The following CPLX2 variants were observed in gnomAD, a reference collection of about 807,000 sequenced individuals.
CPLX2 encodes the protein complexin 2.
Under a neutral mutation model 16.3 loss-of-function variants are expected in CPLX2, and 5 were observed. The ratio of observed to expected loss-of-function variants is 0.31; its 90% CI spans 0.16 to 0.64. The LOEUF is 0.64. CPLX2 is among the 30% of genes least tolerant of loss of function. The pLI is 0.79. For missense variants in CPLX2, 144 were observed against 181.4 expected, an observed-to-expected ratio of 0.79 and a Z score of 1.18; for synonymous variants, 89 against 73.2, an observed-to-expected ratio of 1.22 and a Z score of -1.10.
chr5:175,851,512 G>T (rs1296118192), intron 2 of CPLX2, among the ~76,000 whole-genome samples: 2 of 152,200 alleles, frequency 1.3e-5, no homozygotes, highest in African/African-American at 4.8e-5. Context: ...GTCACTTCAT[G>T]GCCCAGACCT....
chr5:175,833,399 C>T (rs1022037256), intron 2 of CPLX2, among the ~76,000 whole-genome samples: 5 of 152,054 alleles, frequency 3.3e-5, no homozygotes, highest in African/African-American at 9.7e-5. Context: ...CACAAACGCA[C>T]AGAAGGCCTC....
chr5:175,839,355 G>A (rs769230463), intron 2 of CPLX2, among the ~76,000 whole-genome samples: 5 of 151,900 alleles, frequency 3.3e-5, no homozygotes, highest in South Asian at 2.1e-4. Flanking sequence ...GCGTGATCTC[G>A]GCTCACTGCA....
At chr5:175,838,038 A>G (rs1758868949) in intron 2 of CPLX2, among the ~76,000 whole-genome samples, 2 of 152,228 alleles carry the variant, frequency 1.3e-5, no homozygotes, top group Admixed American at 6.5e-5. Flanking sequence ...ATATACCTCA[A>G]AGATTCTTCT....
At chr5:175,853,793 G>A (rs1243647894) in intron 2 of CPLX2, among the ~76,000 whole-genome samples, 1 of 152,056 alleles carries the variant, frequency 6.6e-6, no homozygotes, top group Non-Finnish European at 1.5e-5. Flanking sequence ...GACGACTGAG[G>A]GCCTTGAGCA....
Position 175,872,081 on chromosome 5 carries a change from G to A in CPLX2, c.-89+376G>A, listed in dbSNP as rs1014858782. 6.6e-6 allele frequency: 1 copy of A among 152,228 alleles called. No homozygotes were observed. The highest frequency in any genetic ancestry group is 2.4e-5 in the African/African-American group (1 of 41,456). The allele number at this position is 152,228 out of a possible 1,614,324, so 9.4% of individuals were successfully genotyped here. A position where few individuals can be genotyped will look rare whatever the true frequency, so the allele number is the denominator to read the frequency against. ...GAACCCAGAGAACAACTTTGAGCTC[G>A]CGGGAGTGGGGGACGTCGATCTAAG... On this transcript the variant is annotated intron_variant, in intron 1 of 3. Transcript: ENST00000393745. This position sits in a 1 kb window ranked among gnomAD's most constrained non-coding sequence, Gnocchi z 5.0.
At chr5:175,861,082 G>A (rs1350410280) in intron 2 of CPLX2, among the ~76,000 whole-genome samples, 1 of 151,908 alleles carries the variant, frequency 6.6e-6, no homozygotes, top group African/African-American at 2.4e-5. Flanking sequence ...GATCCAGAAA[G>A]TGGCCTCAGT....
chr5:175,869,903 G>GA (rs1352112343), upstream of CPLX2, among the ~76,000 whole-genome samples: 3 of 152,210 alleles, frequency 2.0e-5, no homozygotes, highest in Non-Finnish European at 2.9e-5. Context: ...ACCAGTTGTG[G>GA]AAAAACTCCA....
chr5:175,797,439 G>C (rs1162002578), intron 1 of CPLX2, among the ~76,000 whole-genome samples: 1 of 152,164 alleles, frequency 6.6e-6, no homozygotes, highest in African/African-American at 2.4e-5. Flanking sequence ...TCCGCTAGGC[G>C]GGCTGGGCCT....
intron 2 of CPLX2, among the ~76,000 whole-genome samples, chr5:175,863,379 C>T (rs1759407248): frequency 6.6e-6 from 1 of 152,202 alleles, no homozygotes; most frequent in Non-Finnish European, 1.5e-5. Flanking sequence ...TGGAGAGAGA[C>T]ACCAAGTTCA....
chr5:175,797,899 A>C (rs1042478436), intron 1 of CPLX2, among the ~76,000 whole-genome samples: 1 of 152,316 alleles, frequency 6.6e-6, no homozygotes, highest in Non-Finnish European at 1.5e-5. Flanking sequence ...GCAGGAAAGC[A>C]TACGTGGAAG....
upstream of CPLX2, among the ~76,000 whole-genome samples, chr5:175,868,368 C>A (rs1244660756): frequency 6.6e-6 from 1 of 152,236 alleles, no homozygotes; most frequent in Non-Finnish European, 1.5e-5. Context: ...AAAGTACTAA[C>A]ATTAGCTCTC....
At chr5:175,836,506 T>C (rs1392703208) in intron 2 of CPLX2, among the ~76,000 whole-genome samples, 1 of 152,226 alleles carries the variant, frequency 6.6e-6, no homozygotes, top group African/African-American at 2.4e-5. Context: ...CCCTCAGCTC[T>C]ACTCTCCTGG....
rs961234332 is a variant in CPLX2, at chr5:175,883,406, A to G, written c.*3361A>G. The G allele has an allele frequency of 6.6e-6, 1 of 151,426 alleles. No individual in the cohort carries two copies. The highest frequency in any genetic ancestry group is 2.4e-5 in the African/African-American group (1 of 41,158). The allele number at this position is 151,426 out of a possible 1,614,324, so 9.4% of individuals were successfully genotyped here. ...AGACACCATCCCAGGTGTGTGTAAG[A>G]GAGAGAGAGAGAACAGGGAGGATAC... On this transcript the variant is annotated 3_prime_UTR_variant, in exon 4 of 4. Coordinates refer to ENST00000393745, the MANE Select transcript of CPLX2 (RefSeq NM_001008220.2).
At chr5:175,841,350 C>T (rs1351329109) in intron 2 of CPLX2, among the ~76,000 whole-genome samples, 2 of 152,174 alleles carry the variant, frequency 1.3e-5, no homozygotes, top group Non-Finnish European at 2.9e-5. Context: ...CAGGTGCACA[C>T]ACAGGCTTAC....
intron 2 of CPLX2, among the ~76,000 whole-genome samples, chr5:175,847,522 T>A (rs1581089831): frequency 6.6e-6 from 1 of 152,314 alleles, no homozygotes; most frequent in Middle Eastern, 3.4e-3. Flanking sequence ...GCTGGGTCTG[T>A]AGGACATCAA....
At chr5:175,819,702 C>T (rs561788928) in intron 2 of CPLX2, among the ~76,000 whole-genome samples, 4 of 152,204 alleles carry the variant, frequency 2.6e-5, no homozygotes, top group Non-Finnish European at 4.4e-5. Flanking sequence ...CAGGTTTCAT[C>T]GGCTTCCTCT....
At chr5:175,869,104 G>A (rs1174048708), upstream of CPLX2, among the ~76,000 whole-genome samples, 1 of 152,198 alleles carries the variant, frequency 6.6e-6, no homozygotes, top group Non-Finnish European at 1.5e-5. Flanking sequence ...GGGCCTTCGG[G>A]AAGCATGTCA....
chr5:175,797,031 G>A (rs548264029), intron 1 of CPLX2, among the ~76,000 whole-genome samples: 1 of 152,308 alleles, frequency 6.6e-6, no homozygotes, highest in African/African-American at 2.4e-5. Context: ...GTCCCTATCG[G>A]GTCAGCACTG....
At chr5:175,828,046 CG>C (rs1758652274) in intron 2 of CPLX2, among the ~76,000 whole-genome samples, 1 of 152,112 alleles carries the variant, frequency 6.6e-6, no homozygotes, top group Non-Finnish European at 1.5e-5. Flanking sequence ...TTCTGGTATT[CG>C]GATGCTTTTA....
Sources: gnomAD v4.1 joint callset for allele counts (sites outside exome capture counted in the v4.1 genomes callset) on GRCh38, gnomAD v4.1.1 for gene constraint, Gnocchi (gnomAD v3.1) non-coding constraint, MANE v1.5 for transcripts, NCBI Gene and HGNC (gene_info 2026-07-23, HGNC 2026-07-21) for gene names.